Variants in PIGB observed in about 807,000 individuals in gnomAD.
The protein encoded by PIGB is phosphatidylinositol glycan anchor biosynthesis class B.
PIGB carries 58 observed loss-of-function variants against 68.4 expected under a neutral mutation model. The observed-to-expected ratio is 0.85, with a 90% CI of 0.69 to 1.06. The LOEUF (loss-of-function observed/expected upper bound fraction) is 1.06. Ranked by LOEUF, PIGB falls within the 50% of genes least tolerant of loss-of-function variation. The pLI is 0.00. For synonymous variants in PIGB, 219 were observed against 220.5 expected, an observed-to-expected ratio of 0.99 and a Z score of 0.06; for missense variants, 634 against 655.8, an observed-to-expected ratio of 0.97 and a Z score of 0.36.
chr15:55,325,113 G>C (rs923243073), intron 3 of PIGB, among the ~76,000 whole-genome samples: 2 of 151,954 alleles, frequency 1.3e-5, no homozygotes, highest in Non-Finnish European at 2.9e-5. Flanking sequence ...GATCACCTGA[G>C]GTCAGGAGTT....
Position 55,321,307 on chromosome 15 carries a change from C to A in PIGB, c.334C>A (p.Leu112Met). The stretch of plus-strand genomic sequence containing the variant: ...TTTGACTTGGGAATGGACAGAGAGA[C>A]TGAGGAGTTACACTTATCCCTTAAT... Reference protein sequence around the residue: ...GYLTWEWTERLRSYTYPLIFA... With the variant: ...GYLTWEWTERMRSYTYPLIFA... Residue 112 changes from leucine (L) to methionine (M), a missense_variant, in exon 3 of 12, where the codon CTG becomes ATG. Leu to Met is a conservative substitution (Grantham distance 15, BLOSUM62 2). Coordinates refer to ENST00000164305, the MANE Select transcript of PIGB (RefSeq NM_004855.5). 3 of 1,605,006 alleles carry A rather than the reference C, an allele frequency of 1.9e-6. No homozygotes were observed. The South Asian group carries it at 3.3e-5, about 18-fold the overall frequency.
At chr15:55,328,204 T>C in intron 4 of PIGB, among the ~76,000 whole-genome samples, 1 of 152,220 alleles carries the variant, frequency 6.6e-6, no homozygotes, top group East Asian at 1.9e-4. Flanking sequence ...CTTTTGTCGT[T>C]TGACTTATTT....
At chr15:55,337,782 C>T (rs1229696649) in intron 6 of PIGB, among the ~76,000 whole-genome samples, 1 of 152,042 alleles carries the variant, frequency 6.6e-6, no homozygotes, top group Non-Finnish European at 1.5e-5. Flanking sequence ...GCACAGTGTC[C>T]ATCAATAGAA....
In PIGB at chr15:55,355,386, A is replaced by G. The variant is rs776068686; in HGVS notation, c.1619A>G (p.Tyr540Cys). 2.2e-5 allele frequency: 36 copies of G among 1,610,994 alleles called. No homozygotes were observed. The highest frequency in any genetic ancestry group is 3.1e-5 in the Non-Finnish European group (36 of 1,178,254). Residue 540 changes from tyrosine (Y) to cysteine (C), a missense_variant, in exon 12 of 12, where the codon TAT (tyrosine) becomes TGT (cysteine). Coordinates refer to ENST00000164305, the MANE Select transcript of PIGB (RefSeq NM_004855.5). ...EGRIGSHIYV[Y>C]ERKLKGKFNM... ...CGAATTGGAAGTCACATATATGTCTATGAACGGAAGTTAAAAGGGAAATTC... is the reference window on the plus strand; with the variant it reads ...CGAATTGGAAGTCACATATATGTCTGTGAACGGAAGTTAAAAGGGAAATTC...
chr15:55,345,256 TA>T (rs371269584), intron 9 of PIGB, among the ~76,000 whole-genome samples: 4,603 of 148,720 alleles, frequency 0.031, 72 homozygotes, highest in Non-Finnish European at 0.036. Flanking sequence ...CACAAGGAAT[TA>T]AAAAAAAAAA....
chr15:55,322,219 T>C (rs148199258), intron 3 of PIGB, among the ~76,000 whole-genome samples: 342 of 152,158 alleles, frequency 2.2e-3, no homozygotes, highest in African/African-American at 7.7e-3. Context: ...CCGTTGTATT[T>C]TGTGTTTTTT....
At chr15:55,330,084 A>G (rs998727770) in intron 5 of PIGB, among the ~76,000 whole-genome samples, 2 of 152,188 alleles carry the variant, frequency 1.3e-5, no homozygotes, top group African/African-American at 4.8e-5. Context: ...TAGAAAAGCC[A>G]ATAAGGAAAC....
chr15:55,325,217 T>G (rs1012951811), intron 3 of PIGB, among the ~76,000 whole-genome samples: 1 of 151,968 alleles, frequency 6.6e-6, no homozygotes, highest in Non-Finnish European at 1.5e-5. Flanking sequence ...TCCCAGCTAC[T>G]TGGGAGGCTA....
At chr15:55,346,189 A>G (rs2055790271) in intron 9 of PIGB, among the ~76,000 whole-genome samples, 1 of 152,230 alleles carries the variant, frequency 6.6e-6, no homozygotes, top group African/African-American at 2.4e-5. Context: ...AAGCTAAATA[A>G]TACATGATGA....
chr15:55,329,429 T>G (rs528574557), intron 4 of PIGB, among the ~76,000 whole-genome samples: 25 of 152,350 alleles, frequency 1.6e-4, no homozygotes, highest in Admixed American at 1.2e-3. Flanking sequence ...AAGAATCTGT[T>G]TTTTATGTGT....
chr15:55,338,657 A>G (rs1438875513), intron 6 of PIGB, among the ~76,000 whole-genome samples: 1 of 152,146 alleles, frequency 6.6e-6, no homozygotes, highest in African/African-American at 2.4e-5. Context: ...TAAAAAAAAG[A>G]AAAGAATACA....
chr15:55,323,825 G>C (rs1199987656), intron 3 of PIGB, among the ~76,000 whole-genome samples: 1 of 152,128 alleles, frequency 6.6e-6, no homozygotes, highest in African/African-American at 2.4e-5. Context: ...TGATGGCATG[G>C]AACATGTAAA....
intron 9 of PIGB, among the ~76,000 whole-genome samples, chr15:55,348,737 T>G (rs899628223): frequency 1.3e-5 from 2 of 152,168 alleles, no homozygotes; most frequent in East Asian, 3.9e-4. Context: ...TGCAGGACCA[T>G]GAGCCAAGTA....
At chr15:55,321,222 C>A (rs1336750016) in intron 2 of PIGB, 51 bp from the exon 3 acceptor site, 92 of 1,242,924 alleles carry the variant, frequency 7.4e-5, no homozygotes, top group South Asian at 1.0e-4. Context: ...AAAAAAAAAA[C>A]ACGGAAATAG....
chr15:55,332,388 G>A (rs1036665041), intron 5 of PIGB, among the ~76,000 whole-genome samples: 3 of 141,074 alleles, frequency 2.1e-5, no homozygotes, highest in African/African-American at 7.9e-5. Context: ...TCTTTTTTTT[G>A]AGATGGAGTT....
chr15:55,321,589 C>T (rs1271634471), intron 3 of PIGB, among the ~76,000 whole-genome samples, 199 bp downstream of exon 3: 1 of 149,452 alleles, frequency 6.7e-6, no homozygotes, highest in Non-Finnish European at 1.5e-5. Context: ...TTATGATGTG[C>T]AGATTTTCAA....
intron 6 of PIGB, among the ~76,000 whole-genome samples, chr15:55,339,009 G>T (rs999930581): frequency 6.6e-6 from 1 of 152,112 alleles, no homozygotes; most frequent in Non-Finnish European, 1.5e-5. Flanking sequence ...AAGTTTTGGG[G>T]TAATTTGTTA....
At chr15:55,351,191 T>C (rs2055914631) in intron 10 of PIGB, among the ~76,000 whole-genome samples, 1 of 149,882 alleles carries the variant, frequency 6.7e-6, no homozygotes, top group South Asian at 2.1e-4. Context: ...CACTGCAAGC[T>C]CCGCCTCCCA....
chr15:55,349,595 C>T (rs186439808), intron 9 of PIGB: 1 of 152,022 alleles, frequency 6.6e-6, no homozygotes, highest in East Asian at 1.9e-4. Context: ...ATTCTTTAAT[C>T]AGAACTATTT....
Sources: gnomAD v4.1 joint callset for allele counts (sites outside exome capture counted in the v4.1 genomes callset) on GRCh38, gnomAD v4.1.1 for gene constraint, MANE v1.5 for transcripts, NCBI Gene and HGNC (gene_info 2026-07-23, HGNC 2026-07-21) for gene names.